The following TBRG4 variants were observed in gnomAD, a reference collection of about 807,000 sequenced individuals.
TBRG4 encodes the protein FAST kinase domain-containing protein 4.
Under a neutral mutation model 65.6 loss-of-function variants are expected in TBRG4, and 43 were observed. That is an observed-to-expected ratio of 0.66 (90% CI 0.51 to 0.85). TBRG4 has a LOEUF of 0.85. Among genes scored for constraint, TBRG4 ranks in the 40% least tolerant of loss-of-function variants. The probability of loss-of-function intolerance (pLI) is 0.00; values close to 1 mark genes in which losing one functional copy is unlikely to be tolerated. For missense variants in TBRG4, 709 were observed against 787.9 expected (o/e 0.90, Z 1.20); for synonymous variants, 366 against 341.4 (o/e 1.07, Z -0.79).
chr7:45,100,833 C>G (rs1430528605), intron 10 of TBRG4, among the ~76,000 whole-genome samples: 1 of 152,190 alleles, frequency 6.6e-6, no homozygotes, highest in Non-Finnish European at 1.5e-5. Context: ...GGTGTGAAAC[C>G]AGAGTCAGGC....
chr7:45,100,446 A>C lies in TBRG4; in HGVS notation c.1795-20T>G. On this transcript the variant is annotated intron_variant, in intron 10 of 10. Transcript: ENST00000258770. Reference sequence around the variant, plus strand: ...TGGGACCTAGAAGGAGGCAGGGGAGACAGGTCACATGGGCAAGGAGATCCC... The same window carrying C: ...TGGGACCTAGAAGGAGGCAGGGGAGCCAGGTCACATGGGCAAGGAGATCCC... The C allele has an allele frequency of 6.3e-7, 1 of 1,599,920 alleles. No homozygotes were observed. The highest frequency in any genetic ancestry group is 8.6e-7 in the Non-Finnish European group (1 of 1,167,408).
At chr7:45,110,943 C>G in intron 1 of TBRG4, 1 of 152,044 alleles carries the variant, frequency 6.6e-6, no homozygotes, top group East Asian at 1.9e-4. Context: ...GCAACATCTA[C>G]CACTTCCTGA....
intron 2 of TBRG4, among the ~76,000 whole-genome samples, chr7:45,108,404 A>G (rs1026826742): frequency 1.3e-5 from 2 of 152,242 alleles, no homozygotes; most frequent in African/African-American, 4.8e-5. Flanking sequence ...TGGCTAGATC[A>G]TGCCCACGTC....
rs776924760 is a variant in TBRG4 at position 45,104,102 on chromosome 7, G to C, written c.1062C>G (p.Ala354=). The change falls in exon 5 of 11, where the codon GCC becomes GCG. Residue 354 remains alanine (A), a synonymous_variant. Coordinates refer to ENST00000258770, the MANE Select transcript of TBRG4 (RefSeq NM_004749.4). ...WLSLPLFEAF[A]QHVLNRAQDI... ...TTGGGGCCAGGCCCTGGCTCACCTGGGCAAAGGCCTCAAACAGGGGCAGGC... is the reference window on the plus strand; with the variant it reads ...TTGGGGCCAGGCCCTGGCTCACCTGCGCAAAGGCCTCAAACAGGGGCAGGC... The C allele has an allele frequency of 3.7e-6, 6 of 1,602,772 alleles. No homozygotes were observed. Among genetic ancestry groups the C allele is most frequent in the Middle Eastern group, 1.7e-4 (1 of 6,020 alleles).
At chr7:45,101,457 C>G (rs776910901) in intron 9 of TBRG4, 46 bp downstream of exon 9, 5 of 1,602,904 alleles carry the variant, frequency 3.1e-6, no homozygotes, top group Non-Finnish European at 4.3e-6. Context: ...ATATGCAGTC[C>G]AACAGCCATG....
Position 45,101,919 on chromosome 7 carries a change from G to A in TBRG4, c.1473C>T (p.Pro491=). 1 of 1,610,932 alleles carries A rather than the reference G, an allele frequency of 6.2e-7. No individual in the cohort carries two copies. The change falls in exon 8 of 11, where the codon CCC becomes CCT. Residue 491 remains proline (P), a synonymous_variant. Coordinates refer to ENST00000258770, the MANE Select transcript of TBRG4 (RefSeq NM_004749.4). ...GPSALDRKVT[P]LQKELQETLK... Reference sequence around the variant, plus strand: ...GCGTCTCCTGCAGCTCCTTTTGCAGGGGGGTCACCTTCCTGTCAAGGGCTG... The same window carrying A: ...GCGTCTCCTGCAGCTCCTTTTGCAGAGGGGTCACCTTCCTGTCAAGGGCTG...
intron 1 of TBRG4, among the ~76,000 whole-genome samples, chr7:45,109,581 G>A (rs1342107294): frequency 6.6e-6 from 1 of 152,022 alleles, no homozygotes; most frequent in African/African-American, 2.4e-5. Flanking sequence ...CAGATTCCCA[G>A]GTCCTGCCCA....
chr7:45,109,291 A>G lies in TBRG4; in HGVS notation c.-50-4T>C. Reference sequence around the variant, plus strand: ...TCCTAGCAAGTGATTCCAAACCCTGAAGAGAAAAAGGAGAGAGAAGGGGCT... The same window carrying G: ...TCCTAGCAAGTGATTCCAAACCCTGGAGAGAAAAAGGAGAGAGAAGGGGCT... On this transcript the variant is annotated splice_region_variant and splice_polypyrimidine_tract_variant and intron_variant, in intron 1 of 10. Coordinates refer to ENST00000258770, the MANE Select transcript of TBRG4 (RefSeq NM_004749.4). The G allele has an allele frequency of 6.6e-7, 1 of 1,517,762 alleles. No homozygotes were observed. The highest frequency in any genetic ancestry group is 2.3e-5 in the Admixed American group (1 of 44,274). The allele number at this position is 1,517,762 out of a possible 1,614,324, so 94.0% of individuals were successfully genotyped here.
intron 2 of TBRG4, chr7:45,106,119 G>GCA (rs1316009506): frequency 3.6e-6 from 2 of 549,122 alleles, no homozygotes; most frequent in African/African-American, 3.7e-5. Flanking sequence ...CAGAGCCAGA[G>GCA]CACCCCTCAG....
intron 4 of TBRG4, 139 bp downstream of exon 4, chr7:45,104,399 C>CCATG: frequency 6.4e-7 from 1 of 1,565,038 alleles, no homozygotes; most frequent in Non-Finnish European, 8.8e-7. Flanking sequence ...GGAACAGGGC[C>CCATG]CATGAGTCAC....
At chr7:45,105,824 G>C in intron 2 of TBRG4, 60 bp from the exon 3 acceptor site, 3 of 1,538,134 alleles carry the variant, frequency 2.0e-6, no homozygotes, top group Non-Finnish European at 2.7e-6. Flanking sequence ...TGTGTGAGCT[G>C]GAGGCTACCT....
intron 1 of TBRG4, 170 bp downstream of exon 1, chr7:45,111,473 C>A (rs1415530316): frequency 3.0e-5 from 23 of 756,712 alleles, no homozygotes; most frequent in Non-Finnish European, 4.3e-5. Context: ...AGGAAGCGTG[C>A]GCACTGGCAA....
chr7:45,100,858 T>C (rs928883869), intron 10 of TBRG4, among the ~76,000 whole-genome samples: 1 of 152,240 alleles, frequency 6.6e-6, no homozygotes, highest in Non-Finnish European at 1.5e-5. Flanking sequence ...GACCTGCATC[T>C]TTCTGCTCCT....
intron 1 of TBRG4, 146 bp downstream of exon 1, chr7:45,111,497 G>A (rs1785124497): frequency 3.0e-6 from 3 of 1,000,654 alleles, no homozygotes; most frequent in East Asian, 6.3e-5. Flanking sequence ...AGCACGGAAC[G>A]AGCAGACGGC....
Position 45,105,775 on chromosome 7 carries a change from A to C in TBRG4, c.412-11T>G. ...CCAGACCGAGGCAATCTAGGCAGAG[A>C]AAGGACACAGGAGAAATGATGTGGC... On this transcript the variant is annotated splice_polypyrimidine_tract_variant and intron_variant, in intron 2 of 10. Coordinates refer to ENST00000258770, the MANE Select transcript of TBRG4 (RefSeq NM_004749.4). 6.3e-7 allele frequency: 1 copy of C among 1,595,332 alleles called. No individual in the cohort carries two copies. The highest frequency in any genetic ancestry group is 8.6e-7 in the Non-Finnish European group (1 of 1,168,912).
chr7:45,105,832 C>T, intron 2 of TBRG4, 68 bp from the exon 3 acceptor site: 9 of 1,493,278 alleles, frequency 6.0e-6, no homozygotes, highest in Non-Finnish European at 8.2e-6. Context: ...CTGGAGGCTA[C>T]CTCTCTGAAC....
At chr7:45,101,798 C>A (rs1304290012) in intron 8 of TBRG4, 27 bp downstream of exon 8, 17 of 1,601,520 alleles carry the variant, frequency 1.1e-5, no homozygotes, top group Non-Finnish European at 1.4e-5. Flanking sequence ...AATGCCAGGC[C>A]CTGTGCCAAC....
chr7:45,110,362 A>G (rs1785089997), intron 1 of TBRG4, among the ~76,000 whole-genome samples: 1 of 151,750 alleles, frequency 6.6e-6, no homozygotes, highest in African/African-American at 2.4e-5. Flanking sequence ...TATAGCCTTG[A>G]TGTTGCTTTT....
At chr7:45,108,784 T>C in intron 2 of TBRG4, 43 bp downstream of exon 2, 1 of 1,473,574 alleles carries the variant, frequency 6.8e-7, no homozygotes, top group Non-Finnish European at 9.0e-7. Context: ...TTTCTGGCTG[T>C]TTTCCTCTTG....
Sources: gnomAD v4.1 joint callset for allele counts (sites outside exome capture counted in the v4.1 genomes callset) on GRCh38, gnomAD v4.1.1 for gene constraint, MANE v1.5 for transcripts, NCBI Gene and HGNC (gene_info 2026-07-23, HGNC 2026-07-21) for gene names.